The following SLC9A8 variants were observed in gnomAD, a reference collection of about 807,000 sequenced individuals.
SLC9A8 encodes solute carrier family 9 member A8, also known as sodium/hydrogen exchanger 8.
Under a neutral mutation model 66.6 loss-of-function variants are expected in SLC9A8, and 48 were observed. The observed-to-expected ratio is 0.72, with a 90% CI of 0.57 to 0.92. SLC9A8 has a LOEUF of 0.92. Ranked by LOEUF, SLC9A8 falls within the 40% of genes least tolerant of loss-of-function variation. The pLI is 0.00. For missense variants in SLC9A8, 599 were observed against 747.3 expected (o/e 0.80, Z 2.31); for synonymous variants, 274 against 282.6 (o/e 0.97, Z 0.31).
rs1184153665 is a variant in SLC9A8, at chr20:49,890,825, GTGAGC to G, written c.*2892_*2896del. ...AGCCAGCCACCCCTCTTCACAGTGGGTGAGCTGGGCTGGGCTGGCTGGCATGAGGC... is the reference window on the plus strand; with the variant it reads ...AGCCAGCCACCCCTCTTCACAGTGGGTGGGCTGGGCTGGCTGGCATGAGGC... On this transcript the variant is annotated 3_prime_UTR_variant, in exon 16 of 16. Transcript: ENST00000361573. 6.6e-6 allele frequency: 1 copy of G among 152,290 alleles called. No individual in the cohort carries two copies. Among genetic ancestry groups the G allele is most frequent in the Non-Finnish European group, 1.5e-5 (1 of 68,096 alleles). 9.4% of individuals were successfully genotyped at this position (152,290 alleles called of 1,614,324 possible). A position where few individuals can be genotyped will look rare whatever the true frequency, so the allele number is the denominator to read the frequency against.
At chr20:49,864,274 T>TG (rs2088872681) in intron 9 of SLC9A8, among the ~76,000 whole-genome samples, 1 of 152,206 alleles carries the variant, frequency 6.6e-6, no homozygotes, top group South Asian at 2.1e-4. Context: ...TCTCACTAGT[T>TG]GTCTTTGACT....
chr20:49,882,781 A>T (rs1374309624), intron 13 of SLC9A8, among the ~76,000 whole-genome samples: 1 of 152,192 alleles, frequency 6.6e-6, no homozygotes, highest in Non-Finnish European at 1.5e-5. Context: ...AAAGCACATT[A>T]CATGTCCCGT....
intron 3 of SLC9A8, among the ~76,000 whole-genome samples, chr20:49,835,439 A>G (rs1238815100): frequency 6.6e-6 from 1 of 152,022 alleles, no homozygotes; most frequent in Non-Finnish European, 1.5e-5. Flanking sequence ...TACTACCATC[A>G]CCTCTACCTA....
chr20:49,837,506 C>G (rs1282654208), intron 3 of SLC9A8, among the ~76,000 whole-genome samples: 1 of 152,034 alleles, frequency 6.6e-6, no homozygotes, highest in African/African-American at 2.4e-5. Flanking sequence ...TGTTTCTCAG[C>G]CATTTGTATA....
chr20:49,878,877 C>T (rs1170732620), intron 12 of SLC9A8, among the ~76,000 whole-genome samples: 7 of 152,050 alleles, frequency 4.6e-5, no homozygotes, highest in Non-Finnish European at 8.8e-5. Context: ...ATTAGCCGGG[C>T]GTGGTGATAT....
rs369978364 is a variant in SLC9A8, at chr20:49,888,245, C to CT, written c.*310dup. ...CCAGTCATCTGTGAAGCTAGGGCGC[C>CT]TACCCCCCCACCCGGAGGACCCCTG... On this transcript the variant is annotated 3_prime_UTR_variant, in exon 16 of 16. Coordinates refer to ENST00000361573, the MANE Select transcript of SLC9A8 (RefSeq NM_015266.3). 305 of 321,824 alleles carry CT rather than the reference C, an allele frequency of 9.5e-4. No individual in the cohort carries two copies. The highest frequency in any genetic ancestry group is 6.5e-3 in the African/African-American group (290 of 44,840). The allele number at this position is 321,824 out of a possible 1,614,324, so 19.9% of individuals were successfully genotyped here.
chr20:49,833,782 G>A (rs1019402433), intron 3 of SLC9A8, among the ~76,000 whole-genome samples: 1 of 152,290 alleles, frequency 6.6e-6, no homozygotes, highest in East Asian at 1.9e-4. Flanking sequence ...AATCCTGAAA[G>A]AAGCAGCTCA....
Position 49,877,244 on chromosome 20 carries a change from A to C in SLC9A8, c.1076-737A>C, listed in dbSNP as rs895117566. Among the ~76,000 whole-genome samples, 14 of 152,116 alleles carry C rather than the reference A, an allele frequency of 9.2e-5. No homozygotes were observed. The East Asian group carries it at 2.5e-3, about 27-fold the overall frequency. ...AGGAGGCGGAGGTTGCAGTGAGCCG[A>C]GATCGTGCCACTACATTCCAGCTTG... On this transcript the variant is annotated intron_variant, in intron 11 of 15. Transcript: ENST00000361573.
chr20:49,882,187 G>A (rs1600812334), intron 13 of SLC9A8, among the ~76,000 whole-genome samples: 1 of 152,086 alleles, frequency 6.6e-6, no homozygotes, highest in Non-Finnish European at 1.5e-5. Flanking sequence ...AGCTGTGTCC[G>A]CACCTCTTTT....
intron 5 of SLC9A8, among the ~76,000 whole-genome samples, chr20:49,849,028 ACT>A (rs2088130304): frequency 6.6e-6 from 1 of 152,320 alleles, no homozygotes; most frequent in African/African-American, 2.4e-5. Context: ...GTGACTGTGC[ACT>A]GAGAGCACAG....
intron 8 of SLC9A8, among the ~76,000 whole-genome samples, chr20:49,858,387 G>A (rs1278893848): frequency 6.7e-6 from 1 of 149,370 alleles, no homozygotes; most frequent in African/African-American, 2.5e-5. Context: ...CTTTTATCTC[G>A]TATCCTGGCT....
chr20:49,863,098 T>A, intron 9 of SLC9A8, 31 bp downstream of exon 9: 1 of 1,568,282 alleles, frequency 6.4e-7, no homozygotes, highest in Non-Finnish European at 8.7e-7. Flanking sequence ...ACATGCAGGG[T>A]TAAAATTATT....
At chr20:49,885,558 A>C (rs920419495) in intron 14 of SLC9A8, among the ~76,000 whole-genome samples, 3 of 152,216 alleles carry the variant, frequency 2.0e-5, no homozygotes, top group Non-Finnish European at 4.4e-5. Context: ...TTGCGTTTCT[A>C]ACAAGTTGCC....
At chr20:49,838,023 AAAT>A (rs149596284) in intron 3 of SLC9A8, among the ~76,000 whole-genome samples, 11,795 of 152,192 alleles carry the variant, frequency 0.078, 481 homozygotes, top group African/African-American at 0.096. Context: ...AATTTTATAT[AAAT>A]AAATACACTC....
At chr20:49,847,840 A>G (rs2088063055) in intron 5 of SLC9A8, among the ~76,000 whole-genome samples, 2 of 151,992 alleles carry the variant, frequency 1.3e-5, no homozygotes, top group African/African-American at 4.8e-5. Flanking sequence ...ATCCAGATTA[A>G]TATTAACCAA....
intron 3 of SLC9A8, among the ~76,000 whole-genome samples, chr20:49,824,024 G>C (rs971527410): frequency 1.3e-5 from 2 of 152,248 alleles, no homozygotes; most frequent in Admixed American, 1.3e-4. Context: ...TGATTGTTTA[G>C]ACTCTGTTCA....
intron 4 of SLC9A8, 69 bp from the exon 5 acceptor site, chr20:49,844,967 T>C (rs2087921110): frequency 8.7e-7 from 1 of 1,145,666 alleles, no homozygotes; most frequent in Non-Finnish European, 1.3e-6. Flanking sequence ...ATTTTGGCTC[T>C]TTATTGATTA....
chr20:49,850,286 T>C (rs1357818421), intron 6 of SLC9A8, among the ~76,000 whole-genome samples: 1 of 152,238 alleles, frequency 6.6e-6, no homozygotes, highest in Non-Finnish European at 1.5e-5. Context: ...GAAGGTAGTA[T>C]CTGTAGTTTT....
chr20:49,823,663 C>G (rs958290051), intron 3 of SLC9A8, among the ~76,000 whole-genome samples: 3 of 152,026 alleles, frequency 2.0e-5, no homozygotes, highest in Admixed American at 1.3e-4. Flanking sequence ...CTGTTGAGAT[C>G]TAGTTGCAGT....
Sources: allele counts gnomAD v4.1 joint callset (sites outside exome capture counted in the v4.1 genomes callset), GRCh38; gene constraint gnomAD v4.1.1; transcripts MANE v1.5; gene names NCBI Gene and HGNC (gene_info 2026-07-23, HGNC 2026-07-21).